Variants in IPMK observed in about 807,000 individuals in gnomAD.
IPMK encodes the protein inositol polyphosphate multikinase.
IPMK carries 17 observed loss-of-function variants against 45.8 expected under a neutral mutation model. The ratio of observed to expected loss-of-function variants is 0.37; its 90% CI spans 0.25 to 0.56. IPMK has a LOEUF of 0.56. Among genes scored for constraint, IPMK ranks in the 20% least tolerant of loss-of-function variants. The probability of loss-of-function intolerance (pLI) is 0.79; values close to 1 mark genes in which losing one functional copy is unlikely to be tolerated. For synonymous variants in IPMK, 180 were observed against 184.3 expected (o/e 0.98, Z 0.19); for missense variants, 399 against 498.0 (o/e 0.80, Z 1.89).
chr10:58,249,192 C>T (rs555745097), intron 1 of IPMK, among the ~76,000 whole-genome samples: 1 of 152,286 alleles, frequency 6.6e-6, no homozygotes, highest in South Asian at 2.1e-4. Flanking sequence ...GCAGCATCTG[C>T]TATCCTTTCA....
intron 4 of IPMK, among the ~76,000 whole-genome samples, chr10:58,204,840 C>T (rs1285200221): frequency 3.3e-5 from 5 of 151,972 alleles, no homozygotes; most frequent in African/African-American, 1.2e-4. Context: ...AATTGGAGGA[C>T]TCATAATTCA....
intron 3 of IPMK, among the ~76,000 whole-genome samples, chr10:58,222,343 TTAGAA>T (rs1359012209): frequency 6.6e-6 from 1 of 152,216 alleles, no homozygotes; most frequent in Non-Finnish European, 1.5e-5. Context: ...ATTTTGAATA[TTAGAA>T]TAGAGCTTAA....
chr10:58,228,956 A>G (rs1838464563), intron 2 of IPMK, among the ~76,000 whole-genome samples: 1 of 152,250 alleles, frequency 6.6e-6, no homozygotes, highest in Non-Finnish European at 1.5e-5. Flanking sequence ...GGCTTCACAG[A>G]GGTTCACTCA....
chr10:58,267,569 C>G lies in IPMK; in HGVS notation c.43G>C (p.Gly15Arg). 1 of 1,608,970 alleles carries G rather than the reference C, an allele frequency of 6.2e-7. No homozygotes were observed. The highest frequency in any genetic ancestry group is 8.5e-7 in the Non-Finnish European group (1 of 1,178,106). ...PPSPLRVEAP[G>R]PPEMRTSPAI... The stretch of plus-strand genomic sequence containing the variant: ...GGTGAGGTCCGCATTTCTGGGGGGC[C>G]CGGCGCCTCGACCCGGAGGGGGGAT... Residue 15 changes from glycine to arginine, a missense_variant, in exon 1 of 6, where the codon GGC becomes CGC. This residue lies in a region of IPMK where 111 missense variants were observed against 99.9 expected (regional missense o/e 1.11). Transcript: ENST00000373935.
chr10:58,259,990 C>T (rs914851421), intron 1 of IPMK, among the ~76,000 whole-genome samples: 2 of 151,988 alleles, frequency 1.3e-5, no homozygotes, highest in African/African-American at 2.4e-5. Context: ...CAAAATATTC[C>T]TCTCAAATTA....
intron 2 of IPMK, among the ~76,000 whole-genome samples, chr10:58,227,764 T>C (rs942693570): frequency 1.3e-5 from 2 of 151,790 alleles, no homozygotes; most frequent in Non-Finnish European, 1.5e-5. Context: ...TAAAAGATAT[T>C]AGAAAATTCT....
At chr10:58,212,813 C>T in intron 4 of IPMK, 1 of 232,726 alleles carries the variant, frequency 4.3e-6, no homozygotes, top group Non-Finnish European at 9.4e-6. Context: ...AAGTGATAGT[C>T]TGTGACAGTA....
chr10:58,239,024 C>G (rs969334590), intron 1 of IPMK, among the ~76,000 whole-genome samples: 7 of 151,984 alleles, frequency 4.6e-5, no homozygotes, highest in Admixed American at 1.3e-4. Context: ...TGGCATGTGT[C>G]TATAGTCCCA....
intron 3 of IPMK, among the ~76,000 whole-genome samples, chr10:58,217,574 AC>A (rs949192993): frequency 2.0e-5 from 3 of 150,126 alleles, no homozygotes; most frequent in Admixed American, 6.7e-5. Flanking sequence ...TGTAATCCCA[AC>A]TACTCGGGAG....
intron 1 of IPMK, among the ~76,000 whole-genome samples, chr10:58,252,018 AGTTGTTTTGTG>A (rs1051055232): frequency 6.6e-5 from 10 of 152,166 alleles, no homozygotes; most frequent in African/African-American, 2.4e-4. Context: ...CCATTTTGTT[AGTTGTTTTGTG>A]GTTGTTTTGT....
chr10:58,217,918 C>G (rs1204890205), intron 3 of IPMK, among the ~76,000 whole-genome samples: 1 of 151,984 alleles, frequency 6.6e-6, no homozygotes, highest in Admixed American at 6.6e-5. Flanking sequence ...ATCCCCATTC[C>G]ACCAAGACTA....
intron 2 of IPMK, among the ~76,000 whole-genome samples, chr10:58,231,874 CAG>C (rs1420858245): frequency 6.6e-6 from 1 of 151,600 alleles, no homozygotes; most frequent in Non-Finnish European, 1.5e-5. Flanking sequence ...TTAAAAGACA[CAG>C]ACTGGCAAAT....
At chr10:58,226,188 G>C (rs1838413361) in intron 3 of IPMK, among the ~76,000 whole-genome samples, 1 of 152,122 alleles carries the variant, frequency 6.6e-6, no homozygotes, top group Non-Finnish European at 1.5e-5. Flanking sequence ...GGCACGCAAA[G>C]TCATTAAGTT....
Position 58,246,442 on chromosome 10 carries a change from G to T in IPMK, c.191-8628C>A, listed in dbSNP as rs1291591171. On this transcript the variant is annotated intron_variant, in intron 1 of 5. Coordinates refer to ENST00000373935, the MANE Select transcript of IPMK (RefSeq NM_152230.5). ...CAGTAACCAAAACAGCATGGTACTGGTACCAAAACACAGATATAGATCAAT... is the reference window on the plus strand; with the variant it reads ...CAGTAACCAAAACAGCATGGTACTGTTACCAAAACACAGATATAGATCAAT... Among the ~76,000 whole-genome samples, 4 of 139,228 alleles carry T rather than the reference G, an allele frequency of 2.9e-5. No individual in the cohort carries two copies. In the East Asian group the frequency reaches 8.7e-4, roughly 30 times the overall value. The allele number at this position is 139,228 out of a possible 152,430, so 91.3% of individuals were successfully genotyped here.
Position 58,267,513 on chromosome 10 carries a change from CG to C in IPMK, c.98del (p.Pro33ArgfsTer42). 6.2e-7 allele frequency: 1 copy of C among 1,613,264 alleles called. No individual in the cohort carries two copies. The highest frequency in any genetic ancestry group is 8.5e-7 in the Non-Finnish European group (1 of 1,179,762). On this transcript the variant is annotated frameshift_variant, in exon 1 of 6. Coordinates refer to ENST00000373935, the MANE Select transcript of IPMK (RefSeq NM_152230.5). LOFTEE classifies it high-confidence loss of function. ...AGCGGAGTCTGCCGCCCGCCGGCTG[CG>C]GGGTGCCCTCAGGGGTGGACTCGAT... ...PAIESTPEGT[P>X]QPAGGRLRFL...
chr10:58,202,476 G>A (rs192507351), intron 4 of IPMK, among the ~76,000 whole-genome samples: 2 of 152,286 alleles, frequency 1.3e-5, no homozygotes, highest in African/African-American at 4.8e-5. Flanking sequence ...AACAGCCTGA[G>A]CATCATAGTG....
rs181994281 is a variant in IPMK at position 58,253,012 on chromosome 10, C to G, written c.190+14410G>C. Among the ~76,000 whole-genome samples, 7 of 152,290 alleles carry G rather than the reference C, an allele frequency of 4.6e-5. No homozygotes were observed. The East Asian group carries it at 1.4e-3, about 29-fold the overall frequency. The stretch of plus-strand genomic sequence containing the variant: ...TCTCTAGCAGTCTGACATGGTTTGG[C>G]TGTGTCCCCACCCAAATCTTACCTT... On this transcript the variant is annotated intron_variant, in intron 1 of 5. Coordinates refer to ENST00000373935, the MANE Select transcript of IPMK (RefSeq NM_152230.5).
chr10:58,251,929 A>G (rs1180320254), intron 1 of IPMK, among the ~76,000 whole-genome samples: 2 of 152,232 alleles, frequency 1.3e-5, no homozygotes, highest in African/African-American at 4.8e-5. Flanking sequence ...TTTATTATCC[A>G]GTCAGCAACT....
At chr10:58,210,445 C>T (rs1349794479) in intron 4 of IPMK, among the ~76,000 whole-genome samples, 3 of 152,172 alleles carry the variant, frequency 2.0e-5, no homozygotes, top group African/African-American at 7.2e-5. Flanking sequence ...CAGCATTTCC[C>T]ATTTGCCCCT....
Sources: allele counts gnomAD v4.1 joint callset (sites outside exome capture counted in the v4.1 genomes callset), GRCh38; gene constraint gnomAD v4.1.1; regional missense constraint gnomAD v4.1.1; transcripts MANE v1.5; gene names NCBI Gene and HGNC (gene_info 2026-07-23, HGNC 2026-07-21).